VWF: variants seen among roughly 807,000 people sequenced by gnomAD.
The protein encoded by VWF is Factor VIII related antigen.
VWF carries 176 observed loss-of-function variants against 308.6 expected under a neutral mutation model. That is an observed-to-expected ratio of 0.57 (90% CI 0.50 to 0.65). The LOEUF is 0.65. Ranked by LOEUF, VWF falls within the 30% of genes least tolerant of loss-of-function variation. VWF has a pLI of 0.00. For missense variants in VWF, 3,146 were observed against 3,648.2 expected, an observed-to-expected ratio of 0.86 and a Z score of 3.55; for synonymous variants, 1,385 against 1,443.4, an observed-to-expected ratio of 0.96 and a Z score of 0.92.
Position 5,992,653 on chromosome 12 carries a change from T to C in VWF, c.6599-635A>G, listed in dbSNP as rs140292119. On this transcript the variant is annotated intron_variant, in intron 37 of 51. Coordinates refer to ENST00000261405, the MANE Select transcript of VWF (RefSeq NM_000552.5). ...TTTATGCTTGAAAAGCATCTTTAAA[T>C]TAGGAATACACAGCTTAGAACTGCC... is the stretch of plus-strand genomic sequence containing the variant. Among the ~76,000 whole-genome samples the C allele has an allele frequency of 2.0e-3, 306 of 152,302 alleles. 1 individual carries two copies. Among genetic ancestry groups the C allele is most frequent in the African/African-American group, 6.7e-3 (280 of 41,562 alleles).
intron 18 of VWF, among the ~76,000 whole-genome samples, chr12:6,042,940 G>A (rs74056802): frequency 0.039 from 6,007 of 152,208 alleles, 146 homozygotes; most frequent in Middle Eastern, 0.068. Context: ...CCAAAGCTCT[G>A]AGACACTCTA....
intron 5 of VWF, among the ~76,000 whole-genome samples, chr12:6,108,261 T>C (rs1164592821): frequency 7.2e-6 from 1 of 138,606 alleles, no homozygotes; most frequent in African/African-American, 2.7e-5. Flanking sequence ...ACCACTGCAA[T>C]CCGGCCTGGG....
At chr12:6,004,623 A>G (rs898641586) in intron 34 of VWF, among the ~76,000 whole-genome samples, 2 of 151,986 alleles carry the variant, frequency 1.3e-5, no homozygotes, top group African/African-American at 4.8e-5. Flanking sequence ...ATACCCAGAA[A>G]ACCCTAGAGA....
At chr12:6,071,446 G>T in intron 9 of VWF, 103 bp from the exon 10 acceptor site, 6 of 1,327,584 alleles carry the variant, frequency 4.5e-6, no homozygotes, top group Non-Finnish European at 6.4e-6. Flanking sequence ...CAAACGAAGG[G>T]ATGTGGGAAA....
chr12:6,044,671 C>T (rs1477341176), intron 17 of VWF, among the ~76,000 whole-genome samples: 2 of 152,166 alleles, frequency 1.3e-5, no homozygotes, highest in Non-Finnish European at 2.9e-5. Flanking sequence ...GGTGGCAGCT[C>T]TTCTGACCCC....
chr12:5,976,406 G>A (rs1943534168), intron 42 of VWF, 146 bp from the exon 43 acceptor site: 2 of 1,031,620 alleles, frequency 1.9e-6, no homozygotes, highest in African/African-American at 1.6e-5. Flanking sequence ...ATGCAGGGCT[G>A]CTTATAAAGC....
intron 35 of VWF, among the ~76,000 whole-genome samples, chr12:5,994,903 G>A (rs1355945890): frequency 2.0e-5 from 3 of 152,108 alleles, no homozygotes; most frequent in Non-Finnish European, 4.4e-5. Flanking sequence ...GACTCAACAG[G>A]GAAGGGCAAT....
intron 47 of VWF, among the ~76,000 whole-genome samples, chr12:5,966,871 C>A (rs1273520611): frequency 6.6e-6 from 1 of 152,218 alleles, no homozygotes; most frequent in Admixed American, 6.5e-5. Flanking sequence ...GGGCTCAAAA[C>A]TTCCCAGTGA....
intron 22 of VWF, among the ~76,000 whole-genome samples, chr12:6,028,024 G>A (rs1001242216): frequency 6.6e-6 from 1 of 152,210 alleles, no homozygotes; most frequent in African/African-American, 2.4e-5. Flanking sequence ...GGCTGCCACA[G>A]AGAAGTGAGG....
chr12:6,096,106 T>TGG, intron 5 of VWF: 1 of 162,834 alleles, frequency 6.1e-6, no homozygotes, highest in Non-Finnish European at 1.3e-5. Flanking sequence ...GATGGATGGA[T>TGG]AGATGGATGG....
chr12:6,013,611 G>A lies in VWF; in HGVS notation c.5490C>T (p.Arg1830=), dbSNP rs1408888692. 6.2e-7 allele frequency: 1 copy of A among 1,613,676 alleles called. No homozygotes were observed. The highest frequency in any genetic ancestry group is 8.5e-7 in the Non-Finnish European group (1 of 1,179,900). Residue 1830 remains arginine, a synonymous_variant, in exon 32 of 52, where the codon CGC becomes CGT. Transcript: ENST00000261405. ...VTVFPIGIGD[R]YDAAQLRILA... ...AGATCCGTAGCTGGGCTGCATCGTAGCGATCTCCAATTCCAATAGGGAACA... is the reference window on the plus strand; with the variant it reads ...AGATCCGTAGCTGGGCTGCATCGTAACGATCTCCAATTCCAATAGGGAACA...
rs959041696 is a variant in VWF at position 6,067,754 on chromosome 12, G to A, written c.1157-2481C>T. Among the ~76,000 whole-genome samples the A allele has an allele frequency of 2.6e-5, 4 of 152,016 alleles. No individual in the cohort carries two copies. The South Asian group carries it at 6.2e-4, about 24-fold the overall frequency. Reference sequence around the variant, plus strand: ...CAACAGGCAGCTCCTGACGAACAGCGGGCCCACCACTAGATGGAGATGGGC... The same window carrying A: ...CAACAGGCAGCTCCTGACGAACAGCAGGCCCACCACTAGATGGAGATGGGC... On this transcript the variant is annotated intron_variant, in intron 10 of 51. Transcript: ENST00000261405.
chr12:6,106,998 T>A lies in VWF; in HGVS notation c.532+3376A>T, dbSNP rs561331514. 3.9e-5 allele frequency among the ~76,000 whole-genome samples: 6 copies of A among 152,278 alleles called. No homozygotes were observed. In the East Asian group the frequency reaches 1.2e-3, roughly 29 times the overall value. On this transcript the variant is annotated intron_variant, in intron 5 of 51. Transcript: ENST00000261405. The stretch of plus-strand genomic sequence containing the variant: ...TGTTTACACTGGCTTTGTTCATAAT[T>A]TTCCATAATTGGAAACAACAAAGCA...
intron 16 of VWF, among the ~76,000 whole-genome samples, chr12:6,051,286 C>CTTTTTTTTTTTTTTT (rs55842185): frequency 2.6e-5 from 3 of 117,544 alleles, no homozygotes; most frequent in African/African-American, 1.0e-4. Flanking sequence ...TTCTTTTTTT[C>CTTTTTTTTTTTTTTT]TTTTTTTTTT....
In VWF at chr12:6,121,275, C is replaced by T. The variant is rs138001833; in HGVS notation, c.119G>A (p.Ser40Asn). ...SSTARCSLFGSDFVNTFDGSM... is the reference protein window; with the variant it reads ...SSTARCSLFGNDFVNTFDGSM... ...CCCATCAAAGGTGTTGACGAAGTCACTTCCGAAAAGGCTGCATCGGGCCGT... is the reference window on the plus strand; with the variant it reads ...CCCATCAAAGGTGTTGACGAAGTCATTTCCGAAAAGGCTGCATCGGGCCGT... The change falls in exon 3 of 52, where the codon AGT (serine) becomes AAT (asparagine). Residue 40 changes from serine to asparagine, a missense_variant. Physicochemically the swap from Ser to Asn is conservative, Grantham distance 46 (BLOSUM62 1). Around this residue, in one of 3 missense-constraint regions of VWF, gnomAD observed 1,304 missense variants for 1,353.0 expected, o/e 0.96. Coordinates refer to ENST00000261405, the MANE Select transcript of VWF (RefSeq NM_000552.5). 1 of 1,614,242 alleles carries T rather than the reference C, an allele frequency of 6.2e-7. No homozygotes were observed. The highest frequency in any genetic ancestry group is 2.2e-5 in the East Asian group (1 of 44,888).
chr12:6,056,271 A>G (rs1233262258), intron 15 of VWF, among the ~76,000 whole-genome samples: 1 of 63,202 alleles, frequency 1.6e-5, no homozygotes, highest in Non-Finnish European at 3.3e-5. Context: ...GAGCAATAAC[A>G]AAAACAAAAA....
rs113461891 is a variant in VWF at position 5,976,280 on chromosome 12, T to C, written c.7288-20A>G. The C allele has an allele frequency of 3.7e-6, 6 of 1,614,124 alleles. No individual in the cohort carries two copies. In the African/African-American group the frequency reaches 5.3e-5, roughly 14 times the overall value. On this transcript the variant is annotated intron_variant, in intron 42 of 51. Transcript: ENST00000261405. ...ACACACCTGTAGACATAAGTTTTCG[T>C]GAGTGAACTCATTTGTTTCATTGAA...
At position 6,110,949 on chromosome 12, in the gene VWF, C is replaced by A. The variant is rs2136522815; in HGVS notation, c.240G>T (p.Lys80Asn). The A allele has an allele frequency of 6.2e-7, 1 of 1,614,160 alleles. No homozygotes were observed. The highest frequency in any genetic ancestry group is 1.3e-5 in the African/African-American group (1 of 75,044). Reference protein sequence around the residue: ...FSIIGDFQNGKRVSLSVYLGE... With the variant: ...FSIIGDFQNGNRVSLSVYLGE... ...CAAGATACACGGAGAGGCTCACTCT[C>A]TTGCCATTCTGGAAGTCCCCTGAAA... The change falls in exon 4 of 52, where the codon AAG becomes AAT. Residue 80 changes from lysine (K) to asparagine (N), a missense_variant. Lys to Asn is a moderately conservative substitution (Grantham distance 94). Around this residue, in one of 3 missense-constraint regions of VWF, gnomAD observed 1,304 missense variants for 1,353.0 expected, o/e 0.96. Coordinates refer to ENST00000261405, the MANE Select transcript of VWF (RefSeq NM_000552.5).
At chr12:6,037,874 G>A (rs1944355222) in intron 18 of VWF, among the ~76,000 whole-genome samples, 1 of 152,216 alleles carries the variant, frequency 6.6e-6, no homozygotes, top group African/African-American at 2.4e-5. Flanking sequence ...CAAGGACCCA[G>A]GCTAGAATCG....
Sources: allele counts gnomAD v4.1 joint callset (sites outside exome capture counted in the v4.1 genomes callset), GRCh38; gene constraint gnomAD v4.1.1; regional missense constraint gnomAD v4.1.1; transcripts MANE v1.5; gene names NCBI Gene and HGNC (gene_info 2026-07-23, HGNC 2026-07-21).